The following TEX36 variants were observed in gnomAD, a reference collection of about 807,000 sequenced individuals.
TEX36 encodes testis-expressed protein 36.
A neutral mutation model predicts 13.6 loss-of-function variants in TEX36; 12 were observed. The observed-to-expected ratio is 0.88, with a 90% CI of 0.56 to 1.43. The LOEUF (loss-of-function observed/expected upper bound fraction) is 1.43. Among genes scored for constraint, TEX36 ranks in the 40% most tolerant of loss-of-function variants. The pLI, the probability that TEX36 is intolerant of heterozygous loss-of-function variation, is 0.00. For missense variants in TEX36, 224 were observed against 228.3 expected, an observed-to-expected ratio of 0.98 and a Z score of 0.12; for synonymous variants, 93 against 83.0, an observed-to-expected ratio of 1.12 and a Z score of -0.65.
chr10:125,640,067 C>G, intron 3 of TEX36: 1 of 694,522 alleles, frequency 1.4e-6, no homozygotes, highest in Non-Finnish European at 1.8e-6. Flanking sequence ...CTTATTATCC[C>G]GTCAGTAGCT....
rs981728967 is a variant in TEX36 at position 125,636,367 on chromosome 10, G to A, written c.265-14722C>T. 1.3e-4 allele frequency among the ~76,000 whole-genome samples: 20 copies of A among 148,638 alleles called. 1 individual carries two copies. The highest frequency in any genetic ancestry group is 3.5e-3 in the Middle Eastern group (1 of 288). Reference sequence around the variant, plus strand: ...ACTACAGGCGCCCGCTACCACACCCGGCTAATTTTTTTTTTTTTATATATT... The same window carrying A: ...ACTACAGGCGCCCGCTACCACACCCAGCTAATTTTTTTTTTTTTATATATT... On this transcript the variant is annotated intron_variant, in intron 3 of 3. Transcript: ENST00000526819.
At chr10:125,621,881 C>CT (rs1398688484) in intron 3 of TEX36, among the ~76,000 whole-genome samples, 1 of 152,136 alleles carries the variant, frequency 6.6e-6, no homozygotes, top group Non-Finnish European at 1.5e-5. Flanking sequence ...CCCAGGAAGC[C>CT]AGATCATCCC....
At chr10:125,658,204 G>C (rs981853219) in intron 3 of TEX36, among the ~76,000 whole-genome samples, 8 of 151,954 alleles carry the variant, frequency 5.3e-5, no homozygotes, top group Middle Eastern at 6.8e-3. Flanking sequence ...ACAAATTATG[G>C]AGACAAAGGA....
chr10:125,618,074 C>T (rs1419299360), downstream of TEX36, among the ~76,000 whole-genome samples: 58 of 152,280 alleles, frequency 3.8e-4, no homozygotes, highest in Admixed American at 7.8e-4. Context: ...TCCAGTTGAT[C>T]GCATCGGCTC....
At chr10:125,579,684 T>C (rs981053745) in intron 3 of TEX36, among the ~76,000 whole-genome samples, 1 of 152,148 alleles carries the variant, frequency 6.6e-6, no homozygotes, top group African/African-American at 2.4e-5. Flanking sequence ...CCTCCTTGCT[T>C]TTCTCATGAT....
At chr10:125,650,028 A>C (rs1402392016) in intron 3 of TEX36, among the ~76,000 whole-genome samples, 1 of 152,198 alleles carries the variant, frequency 6.6e-6, no homozygotes, top group Non-Finnish European at 1.5e-5. Context: ...AGAGACTTAG[A>C]TTCCCACACA....
intron 3 of TEX36, among the ~76,000 whole-genome samples, chr10:125,584,818 C>T (rs1845924365): frequency 6.6e-6 from 1 of 152,226 alleles, no homozygotes; most frequent in Non-Finnish European, 1.5e-5. Context: ...TGAGAAAATA[C>T]ATTTCTGTCA....
chr10:125,587,394 G>A (rs567980366), intron 3 of TEX36, among the ~76,000 whole-genome samples: 13 of 152,170 alleles, frequency 8.5e-5, no homozygotes, highest in Non-Finnish European at 1.8e-4. Flanking sequence ...AACTTACACA[G>A]TTGAAACTTT....
At chr10:125,617,942 G>A (rs1036493004), downstream of TEX36, among the ~76,000 whole-genome samples, 2 of 152,084 alleles carry the variant, frequency 1.3e-5, no homozygotes, top group Non-Finnish European at 2.9e-5. Flanking sequence ...TGTAGATTTG[G>A]TCTTTTCACA....
At chr10:125,667,174 C>T (rs1005654484) in intron 1 of TEX36, 28 of 656,620 alleles carry the variant, frequency 4.3e-5, no homozygotes, top group South Asian at 5.5e-5. Context: ...GGGCACTGTG[C>T]GGTGCAGCGT....
exon 4 of TEX36, chr10:125,576,701 TAGTC>T: frequency 2.6e-6 from 4 of 1,532,800 alleles, no homozygotes; most frequent in Non-Finnish European, 3.5e-6. Context: ...CACATTCTAT[TAGTC>T]AGGACTCTGG....
intron 3 of TEX36, among the ~76,000 whole-genome samples, chr10:125,592,494 T>G (rs1846033199): frequency 6.6e-6 from 1 of 152,186 alleles, no homozygotes; most frequent in Non-Finnish European, 1.5e-5. Context: ...TTTCCTACTT[T>G]CTTACACAGT....
chr10:125,649,892 GA>G (rs1236934187), intron 3 of TEX36, among the ~76,000 whole-genome samples: 9 of 152,232 alleles, frequency 5.9e-5, no homozygotes, highest in Non-Finnish European at 1.2e-4. Context: ...GATCAAAAGA[GA>G]CAAAGAAGGC....
intron 3 of TEX36, among the ~76,000 whole-genome samples, chr10:125,637,445 TTGTA>T (rs1483067331): frequency 2.0e-5 from 3 of 152,210 alleles, no homozygotes; most frequent in Non-Finnish European, 4.4e-5. Context: ...TGAGATCCCA[TTGTA>T]TGTATGTACC....
rs1421311365 is a variant in TEX36 at position 125,656,112 on chromosome 10, A to G, written c.349T>C (p.Ser117Pro). 2.6e-6 allele frequency: 4 copies of G among 1,550,880 alleles called. No homozygotes were observed. Among genetic ancestry groups the G allele is most frequent in the Non-Finnish European group, 3.5e-6 (4 of 1,146,908 alleles). The change falls in exon 4 of 4, where the codon TCT (serine) becomes CCT (proline). Residue 117 changes from serine (S) to proline (P), a missense_variant. Transcript: ENST00000368821. ...FNLWACDYVP[S>P]CLDGFSNNQI... ...TTATTTGAAAAGCCATCAAGACAAG[A>G]TGGAACATAGTCACATGCCCAGAGA... is the stretch of plus-strand genomic sequence containing the variant.
intron 1 of TEX36, among the ~76,000 whole-genome samples, chr10:125,664,109 C>T (rs770437308): frequency 6.6e-6 from 1 of 152,158 alleles, no homozygotes; most frequent in African/African-American, 2.4e-5. Context: ...CCTTTCTATA[C>T]CTGGCTTATT....
In TEX36 at chr10:125,660,960, GAA is replaced by G. The variant is rs146024939; in HGVS notation, c.264+59_264+60del. 3.4e-3 allele frequency: 4,921 copies of G among 1,436,444 alleles called. 152 individuals are homozygous for G. The African/African-American group carries it at 0.059, about 17-fold the overall frequency. The allele number at this position is 1,436,444 out of a possible 1,614,324, so 89.0% of individuals were successfully genotyped here. A position where few individuals can be genotyped will look rare whatever the true frequency, so the allele number is the denominator to read the frequency against. On this transcript the variant is annotated intron_variant, in intron 3 of 3. Coordinates refer to ENST00000368821, the MANE Select transcript of TEX36 (RefSeq NM_001128202.3). The stretch of plus-strand genomic sequence containing the variant: ...AATCCTCTATCTTCAACACACCCCA[GAA>G]AATCAAGATCCCTTGTGTTGTTCCC...
At chr10:125,607,740 T>A (rs1007659890) in intron 3 of TEX36, among the ~76,000 whole-genome samples, 1 of 151,996 alleles carries the variant, frequency 6.6e-6, no homozygotes, top group African/African-American at 2.4e-5. Flanking sequence ...GCATCTAGTA[T>A]AGTGCCCAGC....
Position 125,677,977 on chromosome 10 carries a change from C to T in TEX36, c.51+4962G>A, listed in dbSNP as rs1161192939. Among the ~76,000 whole-genome samples the T allele has an allele frequency of 2.6e-5, 4 of 152,298 alleles. No homozygotes were observed. In the East Asian group the frequency reaches 5.8e-4, roughly 22 times the overall value. On this transcript the variant is annotated intron_variant, in intron 1 of 3. Coordinates refer to ENST00000368821, the MANE Select transcript of TEX36 (RefSeq NM_001128202.3). ...GATTACAGGCATGAGCCACTGCACCCAGCCCCTAAAATGAATATTTTCAAT... is the reference window on the plus strand; with the variant it reads ...GATTACAGGCATGAGCCACTGCACCTAGCCCCTAAAATGAATATTTTCAAT...
Sources: allele counts gnomAD v4.1 joint callset (sites outside exome capture counted in the v4.1 genomes callset), GRCh38; gene constraint gnomAD v4.1.1; transcripts MANE v1.5; gene names NCBI Gene and HGNC (gene_info 2026-07-23, HGNC 2026-07-21).